Variants in IL17RA observed in about 807,000 individuals in gnomAD.
IL17RA encodes interleukin 17 receptor A, also known as interleukin-17 receptor A.
IL17RA carries 34 observed loss-of-function variants against 50.4 expected under a neutral mutation model. The ratio of observed to expected loss-of-function variants is 0.67; its 90% CI spans 0.51 to 0.90. The LOEUF (loss-of-function observed/expected upper bound fraction) is 0.90, where lower values mean the gene tolerates loss of function less well. IL17RA is among the 40% of genes least tolerant of loss of function. The pLI is 0.00. For synonymous variants in IL17RA, 585 were observed against 510.4 expected, an observed-to-expected ratio of 1.15 and a Z score of -1.97; for missense variants, 1,276 against 1,169.8, an observed-to-expected ratio of 1.09 and a Z score of -1.32.
intron 1 of IL17RA, 51 bp downstream of exon 1, chr22:17,085,280 G>T: frequency 6.5e-7 from 1 of 1,531,500 alleles, no homozygotes; most frequent in Non-Finnish European, 8.7e-7. Context: ...CGGACGCGGG[G>T]CAAGGTCGCG....
In IL17RA at chr22:17,105,579, T is replaced by A. The variant is rs1206113000; in HGVS notation, c.932-12T>A. ...AATGCTATTTTCCCTTTTTCCTCTG[T>A]TCTCATTGCAGAACCAATTCCGGGT... On this transcript the variant is annotated splice_polypyrimidine_tract_variant and intron_variant, in intron 9 of 12. Transcript: ENST00000319363. 6.2e-7 allele frequency: 1 copy of A among 1,612,480 alleles called. No individual in the cohort carries two copies. The highest frequency in any genetic ancestry group is 2.2e-5 in the East Asian group (1 of 44,896).
At chr22:17,094,764 A>T (rs2073306701) in intron 1 of IL17RA, among the ~76,000 whole-genome samples, 1 of 138,804 alleles carries the variant, frequency 7.2e-6, no homozygotes, top group Non-Finnish European at 1.5e-5. Flanking sequence ...AATTGGGATC[A>T]TACTATAAAA....
intron 1 of IL17RA, among the ~76,000 whole-genome samples, chr22:17,094,691 CTATATATATA>C (rs1188416715): frequency 4.0e-5 from 1 of 24,704 alleles, no homozygotes; most frequent in East Asian, 1.0e-3. Flanking sequence ...CTCTCTCTCT[CTATATATATA>C]TATATATATA....
In IL17RA at chr22:17,110,881, A is replaced by G. The variant is rs1247931063; in HGVS notation, c.*1061A>G. 2.6e-5 allele frequency: 4 copies of G among 152,358 alleles called. No individual in the cohort carries two copies. The highest frequency in any genetic ancestry group is 4.4e-5 in the Non-Finnish European group (3 of 68,152). The allele number at this position is 152,358 out of a possible 1,614,324, so 9.4% of individuals were successfully genotyped here. A position where few individuals can be genotyped will look rare whatever the true frequency, so the allele number is the denominator to read the frequency against. On this transcript the variant is annotated 3_prime_UTR_variant, in exon 13 of 13. Transcript: ENST00000319363. ...TGGAAGCCTGCCCAGGGTTGTGAGC[A>G]TGCACGGGAAAGGCACCCAGGTCAG... is the stretch of plus-strand genomic sequence containing the variant.
chr22:17,100,140 T>TAAAA (rs1568919423), intron 4 of IL17RA, among the ~76,000 whole-genome samples: 4 of 76,376 alleles, frequency 5.2e-5, no homozygotes, highest in Non-Finnish European at 2.6e-5. Flanking sequence ...AGATCCAGGT[T>TAAAA]TAAAAAAAAA....
intron 8 of IL17RA, 103 bp from the exon 9 acceptor site, chr22:17,104,623 G>A: frequency 9.8e-7 from 1 of 1,025,022 alleles, no homozygotes; most frequent in Non-Finnish European, 1.5e-6. Flanking sequence ...GGAGATCGTG[G>A]TGTAGCCAGC....
chr22:17,102,236 C>A lies in IL17RA; in HGVS notation c.696C>A (p.Ile232=). The A allele has an allele frequency of 1.2e-6, 2 of 1,614,198 alleles. No individual in the cohort carries two copies. Among genetic ancestry groups the A allele is most frequent in the Non-Finnish European group, 1.7e-6 (2 of 1,180,034 alleles). ...TLWNESTHYQ[I]LLTSFPHMEN... ...GGAACGAATCTACCCATTACCAGAT[C>A]CTGCTGACCAGTTTTCCGCACATGG... Residue 232 remains isoleucine (I), a synonymous_variant, in exon 7 of 13, where the codon ATC becomes ATA. Coordinates refer to ENST00000319363, the MANE Select transcript of IL17RA (RefSeq NM_014339.7).
intron 1 of IL17RA, among the ~76,000 whole-genome samples, chr22:17,094,701 A>ATGTG (rs1462315541): frequency 1.8e-4 from 11 of 61,904 alleles, no homozygotes; most frequent in Admixed American, 5.1e-4. Flanking sequence ...CTATATATAT[A>ATGTG]TATATATATA....
intron 4 of IL17RA, among the ~76,000 whole-genome samples, chr22:17,099,720 C>G (rs2061382937): frequency 6.6e-6 from 1 of 152,146 alleles, no homozygotes; most frequent in Admixed American, 6.5e-5. Flanking sequence ...TTCCTCCGTC[C>G]ACTTAGAAGC....
rs1363057298 is a variant in IL17RA, at chr22:17,085,048, G to T, written c.-44G>T. The T allele has an allele frequency of 2.9e-5, 38 of 1,288,692 alleles. No homozygotes were observed. The highest frequency in any genetic ancestry group is 2.9e-5 in the Non-Finnish European group (30 of 1,017,382). 79.8% of individuals were successfully genotyped at this position (1,288,692 alleles called of 1,614,324 possible). On this transcript the variant is annotated 5_prime_UTR_variant, in exon 1 of 13. Coordinates refer to ENST00000319363, the MANE Select transcript of IL17RA (RefSeq NM_014339.7). ...GAAAGCCTCAGAACGTTCGTTCGCT[G>T]CGTCCCCAGCCGGGGCCGAGCCCTC...
Position 17,114,516 on chromosome 22 carries a change from T to A in IL17RA, c.*4696T>A, listed in dbSNP as rs1261185293. 6.6e-6 allele frequency: 1 copy of A among 152,108 alleles called. No homozygotes were observed. The highest frequency in any genetic ancestry group is 1.5e-5 in the Non-Finnish European group (1 of 68,044). The allele number at this position is 152,108 out of a possible 1,614,324, so 9.4% of individuals were successfully genotyped here. On this transcript the variant is annotated 3_prime_UTR_variant, in exon 13 of 13. Transcript: ENST00000319363. Reference sequence around the variant, plus strand: ...ACCCCTTAGGTCATTGACTATAAGATGAGTTCGCTCACTGGATCCTTCCTC... The same window carrying A: ...ACCCCTTAGGTCATTGACTATAAGAAGAGTTCGCTCACTGGATCCTTCCTC...
At chr22:17,094,668 T>TCTCTCTCCCTCTCTCC (rs2061360095) in intron 1 of IL17RA, among the ~76,000 whole-genome samples, 1 of 34,414 alleles carries the variant, frequency 2.9e-5, no homozygotes, top group Non-Finnish European at 5.7e-5. Flanking sequence ...TCTCTCTCTC[T>TCTCTCTCCCTCTCTCC]CTCTCTCTCT....
At chr22:17,095,541 A>G (rs1246317968) in intron 1 of IL17RA, among the ~76,000 whole-genome samples, 2 of 152,166 alleles carry the variant, frequency 1.3e-5, no homozygotes, top group African/African-American at 4.8e-5. Context: ...ACTCCAAATG[A>G]TGTATCTGTT....
In IL17RA at chr22:17,110,826, CA is replaced by C. The variant is rs886057213; in HGVS notation, c.*1014del. ...TGGGCAGCAGAGTGAGACCCTGTCT[CA>C]AAAAAAATAAAAAAGTAGAAAGATG... On this transcript the variant is annotated 3_prime_UTR_variant, in exon 13 of 13. Transcript: ENST00000319363. 5.3e-5 allele frequency: 8 copies of C among 151,758 alleles called. No individual in the cohort carries two copies. The highest frequency in any genetic ancestry group is 2.1e-4 in the South Asian group (1 of 4,806). The allele number at this position is 151,758 out of a possible 1,614,324, so 9.4% of individuals were successfully genotyped here.
intron 3 of IL17RA, 92 bp from the exon 4 acceptor site, chr22:17,098,682 AG>A: frequency 1.0e-6 from 1 of 953,182 alleles, no homozygotes; most frequent in Non-Finnish European, 1.7e-6. Context: ...TTCTTTTAGG[AG>A]TGAACAACCG....
rs564265237 is a variant in IL17RA at position 17,113,809 on chromosome 22, C to G, written c.*3989C>G. ...AAGAGGCAGCAGGGTTGGGGGCTGGCCAGCTGCTCGTCCGCCCTAGGTAGC... is the reference window on the plus strand; with the variant it reads ...AAGAGGCAGCAGGGTTGGGGGCTGGGCAGCTGCTCGTCCGCCCTAGGTAGC... On this transcript the variant is annotated 3_prime_UTR_variant, in exon 13 of 13. Coordinates refer to ENST00000319363, the MANE Select transcript of IL17RA (RefSeq NM_014339.7). The G allele has an allele frequency of 3.5e-4, 53 of 152,418 alleles. No individual in the cohort carries two copies. The highest frequency in any genetic ancestry group is 1.2e-3 in the African/African-American group (51 of 41,584). The allele number at this position is 152,418 out of a possible 1,614,324, so 9.4% of individuals were successfully genotyped here.
intron 11 of IL17RA, 107 bp from the exon 12 acceptor site, chr22:17,107,620 G>C: frequency 1.0e-6 from 1 of 956,554 alleles, no homozygotes; most frequent in Non-Finnish European, 1.7e-6. Flanking sequence ...TCTCGGGGCT[G>C]CCCCCTTACC....
Position 17,114,696 on chromosome 22 carries a change from C to T in IL17RA, c.*4876C>T, listed in dbSNP as rs2061459772. On this transcript the variant is annotated 3_prime_UTR_variant, in exon 13 of 13. Transcript: ENST00000319363. ...GCTCACCAGTGTCATGGGATTCTCTCAGAAGATGAAAACAGCCCCTGCTTT... is the reference window on the plus strand; with the variant it reads ...GCTCACCAGTGTCATGGGATTCTCTTAGAAGATGAAAACAGCCCCTGCTTT... 1 of 152,182 alleles carries T rather than the reference C, an allele frequency of 6.6e-6. No homozygotes were observed. The highest frequency in any genetic ancestry group is 1.5e-5 in the Non-Finnish European group (1 of 68,044). The allele number at this position is 152,182 out of a possible 1,614,324, so 9.4% of individuals were successfully genotyped here. A position where few individuals can be genotyped will look rare whatever the true frequency, so the allele number is the denominator to read the frequency against.
At chr22:17,088,712 T>C (rs548267574) in intron 1 of IL17RA, among the ~76,000 whole-genome samples, 4 of 152,246 alleles carry the variant, frequency 2.6e-5, no homozygotes, top group Admixed American at 2.6e-4. Flanking sequence ...GATCTGGAAC[T>C]CCTGACCTCA....
Sources: allele counts gnomAD v4.1 joint callset (sites outside exome capture counted in the v4.1 genomes callset), GRCh38; gene constraint gnomAD v4.1.1; transcripts MANE v1.5; gene names NCBI Gene and HGNC (gene_info 2026-07-23, HGNC 2026-07-21).